TAF1D: variants seen among roughly 807,000 people sequenced by gnomAD.
TAF1D encodes the protein TATA-box binding protein associated factor, RNA polymerase I subunit D.
A neutral mutation model predicts 26.2 loss-of-function variants in TAF1D; 23 were observed. That is an observed-to-expected ratio of 0.88 (90% confidence interval 0.63 to 1.25). The LOEUF (loss-of-function observed/expected upper bound fraction) is 1.25. Among genes scored for constraint, TAF1D ranks in the 50% most tolerant of loss-of-function variants. The pLI is 0.00. For synonymous variants in TAF1D, 100 were observed against 105.6 expected (o/e 0.95, Z 0.33); for missense variants, 299 against 322.0 (o/e 0.93, Z 0.55).
chr11:93,740,879 T>A (rs770761460), intron 1 of TAF1D, among the ~76,000 whole-genome samples: 2 of 152,124 alleles, frequency 1.3e-5, no homozygotes, highest in Non-Finnish European at 2.9e-5. Context: ...CCTACTTGGG[T>A]GTCGATGCCT....
At chr11:93,732,329 T>C, downstream of TAF1D, 2 of 517,000 alleles carry the variant, frequency 3.9e-6, no homozygotes, top group Non-Finnish European at 7.7e-6. Context: ...TTAGAGTATA[T>C]CAAACTGAAC....
chr11:93,738,062 G>C, intron 3 of TAF1D, 47 bp downstream of exon 3: 1 of 1,505,996 alleles, frequency 6.6e-7, no homozygotes, highest in Non-Finnish European at 8.8e-7. Context: ...AAATCATTTT[G>C]GGCATCTTGA....
intron 5 of TAF1D, 140 bp from the exon 6 acceptor site, chr11:93,736,444 AT>A (rs1940778450): frequency 1.4e-6 from 2 of 1,422,460 alleles, no homozygotes; most frequent in South Asian, 1.6e-5. Context: ...AACATTGCTT[AT>A]TTTTTCATTT....
downstream of TAF1D, chr11:93,734,788 T>C (rs557583641): frequency 2.3e-5 from 29 of 1,248,796 alleles, no homozygotes; most frequent in Non-Finnish European, 3.0e-5. Context: ...AACCTTTTTT[T>C]CTTAAGAGAC....
downstream of TAF1D, chr11:93,732,371 GTAGAAATACCAGGTT>G (rs1202825716): frequency 1.9e-6 from 1 of 518,798 alleles, no homozygotes; most frequent in African/African-American, 1.9e-5. Context: ...TACTGTATCA[GTAGAAATACCAGGTT>G]TAACAAGCAC....
chr11:93,732,722 A>C (rs553193639), downstream of TAF1D: 2 of 264,046 alleles, frequency 7.6e-6, no homozygotes. Flanking sequence ...GAATATATAC[A>C]TGTAACTTAA....
At chr11:93,732,237 ATC>A, downstream of TAF1D, 1 of 477,338 alleles carries the variant, frequency 2.1e-6, no homozygotes, top group Admixed American at 2.2e-5. Context: ...GAAACAGAGA[ATC>A]TTACCTTTTT....
intron 2 of TAF1D, chr11:93,738,817 C>G (rs954055061): frequency 4.7e-5 from 14 of 299,418 alleles, no homozygotes; most frequent in Non-Finnish European, 6.8e-5. Flanking sequence ...CCTGCCTCAG[C>G]CTCCCAAGTA....
In TAF1D at chr11:93,739,825, T is replaced by G. The variant is rs534953996; in HGVS notation, c.-27-494A>C. On this transcript the variant is annotated intron_variant, in intron 1 of 5. Transcript: ENST00000448108. The stretch of plus-strand genomic sequence containing the variant: ...TAGATTCTTCATTCCTAGATTCATT[T>G]AAGCAACTGAACTTTGTCATATTGT... Among the ~76,000 whole-genome samples, 3 of 152,262 alleles carry G rather than the reference T, an allele frequency of 2.0e-5. No individual in the cohort carries two copies. The South Asian group carries it at 6.2e-4, about 32-fold the overall frequency.
chr11:93,732,291 C>T (rs878958327), downstream of TAF1D: 19 of 495,066 alleles, frequency 3.8e-5, no homozygotes, highest in South Asian at 2.8e-4. Flanking sequence ...AATTTGACAC[C>T]CTGGAAAAAA....
downstream of TAF1D, chr11:93,735,480 C>T (rs962326282): frequency 1.2e-5 from 5 of 428,030 alleles, no homozygotes; most frequent in Admixed American, 6.0e-5. Context: ...GTCAGGAGTT[C>T]GAGACCATGG....
chr11:93,734,532 G>A (rs1940246771), downstream of TAF1D: 1 of 438,818 alleles, frequency 2.3e-6, no homozygotes, highest in Non-Finnish European at 4.5e-6. Context: ...AAGCATGGTA[G>A]AAATGTCCCT....
chr11:93,731,185 A>G (rs3168206), downstream of TAF1D: 6 of 442,240 alleles, frequency 1.4e-5, no homozygotes. Context: ...TCGTTTTAAT[A>G]TGGATATACT....
At chr11:93,736,644 A>G in intron 5 of TAF1D, 50 bp downstream of exon 5, 9 of 1,600,904 alleles carry the variant, frequency 5.6e-6, no homozygotes, top group Non-Finnish European at 7.7e-6. Flanking sequence ...TTCTGTATCA[A>G]CCAACTCCTG....
intron 5 of TAF1D, 110 bp from the exon 6 acceptor site, chr11:93,736,414 A>C (rs1475272943): frequency 7.0e-7 from 1 of 1,432,354 alleles, no homozygotes; most frequent in Non-Finnish European, 9.1e-7. Context: ...GACTACATGT[A>C]GATGTTAAAA....
chr11:93,732,641 AACT>A, downstream of TAF1D: 1 of 318,082 alleles, frequency 3.1e-6, no homozygotes, highest in Non-Finnish European at 6.3e-6. Flanking sequence ...AAGCTACATT[AACT>A]ACATTTTAAG....
intron 1 of TAF1D, among the ~76,000 whole-genome samples, chr11:93,740,260 C>A (rs1445142682): frequency 6.6e-6 from 1 of 151,474 alleles, no homozygotes; most frequent in Non-Finnish European, 1.5e-5. Flanking sequence ...CTCAGCAACA[C>A]AAGGAGACCC....
At chr11:93,736,348 AAT>A in intron 5 of TAF1D, 44 bp from the exon 6 acceptor site, 3 of 1,561,428 alleles carry the variant, frequency 1.9e-6, no homozygotes, top group Non-Finnish European at 2.6e-6. Flanking sequence ...CAATAACTCA[AAT>A]AGTTTAGTAA....
At chr11:93,735,201 C>T (rs1555016683), downstream of TAF1D, 1 of 1,352,010 alleles carries the variant, frequency 7.4e-7, no homozygotes, top group Non-Finnish European at 9.8e-7. Flanking sequence ...ATCTGTAAGT[C>T]TTTGTCCACG....
Sources: allele counts gnomAD v4.1 joint callset (sites outside exome capture counted in the v4.1 genomes callset), GRCh38; gene constraint gnomAD v4.1.1; transcripts MANE v1.5; gene names NCBI Gene and HGNC (gene_info 2026-07-23, HGNC 2026-07-21).